Variants in GBE1 observed in about 807,000 individuals in gnomAD.
The protein encoded by GBE1 is 1,4-alpha-glucan branching enzyme 1.
GBE1 carries 70 observed loss-of-function variants against 88.8 expected under a neutral mutation model. The observed-to-expected ratio is 0.79, with a 90% CI of 0.65 to 0.96. GBE1 has a LOEUF of 0.96. Ranked by LOEUF, GBE1 falls within the 40% of genes least tolerant of loss-of-function variation. The probability of loss-of-function intolerance (pLI) is 0.00; values close to 1 mark genes in which losing one functional copy is unlikely to be tolerated. For synonymous variants in GBE1, 284 were observed against 300.1 expected (o/e 0.95, Z 0.56); for missense variants, 872 against 871.0 (o/e 1.00, Z -0.01).
At chr3:81,729,052 C>A (rs1453273065) in intron 1 of GBE1, among the ~76,000 whole-genome samples, 1 of 152,072 alleles carries the variant, frequency 6.6e-6, no homozygotes, top group Non-Finnish European at 1.5e-5. Flanking sequence ...TAACAGCCTG[C>A]CCATTAAATA....
chr3:81,697,485 G>T (rs1296629520), intron 2 of GBE1, among the ~76,000 whole-genome samples: 1 of 151,824 alleles, frequency 6.6e-6, no homozygotes, highest in Admixed American at 6.6e-5. Flanking sequence ...TATTTTTAGT[G>T]GAGACAGGAT....
At position 81,705,440 on chromosome 3, in the gene GBE1, T is replaced by G; in HGVS notation, c.313+4A>C. On this transcript the variant is annotated splice_donor_region_variant and intron_variant, in intron 2 of 15. Transcript: ENST00000429644. Reference sequence around the variant, plus strand: ...TATTTAGTTCAATGCTTTCAAGTACTTACTAAAATCTCCAGTAAGAAAAAC... The same window carrying G: ...TATTTAGTTCAATGCTTTCAAGTACGTACTAAAATCTCCAGTAAGAAAAAC... The G allele has an allele frequency of 1.9e-6, 3 of 1,572,958 alleles. No homozygotes were observed. The highest frequency in any genetic ancestry group is 1.4e-5 in the African/African-American group (1 of 73,460).
chr3:81,690,170 T>G (rs923417980), intron 2 of GBE1, among the ~76,000 whole-genome samples: 4 of 152,162 alleles, frequency 2.6e-5, no homozygotes, highest in African/African-American at 9.7e-5. Context: ...AACTATGAAG[T>G]CCTGCCAGAA....
chr3:81,503,034 A>C (rs1702609376), intron 14 of GBE1, among the ~76,000 whole-genome samples: 1 of 152,196 alleles, frequency 6.6e-6, no homozygotes, highest in African/African-American at 2.4e-5. Flanking sequence ...AAAACTTTGA[A>C]ACTGATATTC....
chr3:81,696,336 G>A (rs1419336485), intron 2 of GBE1, among the ~76,000 whole-genome samples: 1 of 152,090 alleles, frequency 6.6e-6, no homozygotes, highest in East Asian at 1.9e-4. Flanking sequence ...AATGCAAAAC[G>A]ATACTCAGAT....
chr3:81,612,353 G>T, intron 7 of GBE1: 1 of 804,448 alleles, frequency 1.2e-6, no homozygotes, highest in Non-Finnish European at 2.1e-6. Context: ...GATTTCGGTG[G>T]ACTTTGAAGA....
intron 7 of GBE1, among the ~76,000 whole-genome samples, chr3:81,622,033 C>T (rs1377855887): frequency 2.0e-5 from 3 of 152,168 alleles, no homozygotes; most frequent in East Asian, 3.9e-4. Context: ...TGAACTATCA[C>T]CTACCTTAAA....
intron 11 of GBE1, among the ~76,000 whole-genome samples, chr3:81,578,458 T>C (rs1576156566): frequency 6.6e-6 from 1 of 151,636 alleles, no homozygotes; most frequent in African/African-American, 2.4e-5. Flanking sequence ...ATAGATTGTA[T>C]ATAATGATTT....
chr3:81,726,890 A>T (rs1706120189), intron 1 of GBE1, among the ~76,000 whole-genome samples: 1 of 152,068 alleles, frequency 6.6e-6, no homozygotes, highest in Non-Finnish European at 1.5e-5. Context: ...GATATTGCAG[A>T]CTTCTTTTTA....
At chr3:81,668,171 G>A (rs1364517697) in intron 3 of GBE1, among the ~76,000 whole-genome samples, 1 of 152,070 alleles carries the variant, frequency 6.6e-6, no homozygotes, top group African/African-American at 2.4e-5. Context: ...GTTGAACAAT[G>A]AGAATACACG....
intron 7 of GBE1, among the ~76,000 whole-genome samples, chr3:81,629,733 T>C (rs1398850506): frequency 1.3e-5 from 2 of 152,082 alleles, no homozygotes; most frequent in Non-Finnish European, 2.9e-5. Context: ...ATTATTATTA[T>C]ACTTTAAGTT....
At chr3:81,703,904 C>A (rs1404769674) in intron 2 of GBE1, among the ~76,000 whole-genome samples, 1 of 151,814 alleles carries the variant, frequency 6.6e-6, no homozygotes, top group African/African-American at 2.4e-5. Context: ...GGAAGATGTG[C>A]CTAGGTTATA....
intron 12 of GBE1, among the ~76,000 whole-genome samples, chr3:81,576,972 G>T (rs1703656803): frequency 1.3e-5 from 2 of 152,054 alleles, no homozygotes; most frequent in East Asian, 1.9e-4. Context: ...TAGAGATAGG[G>T]TCTTGCTTTG....
chr3:81,685,043 A>C (rs1023274071), intron 2 of GBE1, among the ~76,000 whole-genome samples: 8 of 152,238 alleles, frequency 5.3e-5, no homozygotes, highest in Non-Finnish European at 1.0e-4. Flanking sequence ...GATAACAACA[A>C]AAGTATCATA....
At chr3:81,528,932 ACT>A (rs1439233604) in intron 14 of GBE1, among the ~76,000 whole-genome samples, 1 of 151,634 alleles carries the variant, frequency 6.6e-6, no homozygotes, top group Non-Finnish European at 1.5e-5. Flanking sequence ...CCATTAAGGT[ACT>A]CTGTTTTTGA....
chr3:81,634,121 T>C (rs572788134), intron 7 of GBE1, among the ~76,000 whole-genome samples: 1 of 152,310 alleles, frequency 6.6e-6, no homozygotes, highest in South Asian at 2.1e-4. Flanking sequence ...AAGAACCACC[T>C]GGCCTGCTTC....
intron 12 of GBE1, among the ~76,000 whole-genome samples, chr3:81,572,930 C>T (rs982784382): frequency 5.3e-5 from 8 of 152,134 alleles, no homozygotes; most frequent in African/African-American, 1.7e-4. Flanking sequence ...CCCTCTGCCT[C>T]AGCTGACTGA....
At chr3:81,747,520 A>G (rs890052317) in intron 1 of GBE1, among the ~76,000 whole-genome samples, 6 of 152,222 alleles carry the variant, frequency 3.9e-5, no homozygotes, top group African/African-American at 1.4e-4. Flanking sequence ...ATCTCTACTC[A>G]AAATACAAAA....
intron 1 of GBE1, chr3:81,743,497 A>C: frequency 1.8e-6 from 2 of 1,121,720 alleles, no homozygotes; most frequent in Admixed American, 2.0e-5. Flanking sequence ...CAATCTTTCC[A>C]ACCCCCCTCT....
Sources: gnomAD v4.1 joint callset for allele counts (sites outside exome capture counted in the v4.1 genomes callset) on GRCh38, gnomAD v4.1.1 for gene constraint, MANE v1.5 for transcripts, NCBI Gene and HGNC (gene_info 2026-07-23, HGNC 2026-07-21) for gene names.